Variants in HOXB13 observed in about 807,000 individuals in gnomAD.
HOXB13 encodes the protein homeobox protein Hox-B13.
Under a neutral mutation model 23.1 loss-of-function variants are expected in HOXB13, and 22 were observed. That is an observed-to-expected ratio of 0.95 (90% confidence interval 0.68 to 1.36). The LOEUF is 1.36. Ranked by LOEUF, HOXB13 falls within the 40% of genes most tolerant of loss-of-function variation. The pLI is 0.00. For synonymous variants in HOXB13, 173 were observed against 157.9 expected (o/e 1.10, Z -0.72); for missense variants, 386 against 376.2 (o/e 1.03, Z -0.22).
In HOXB13 at chr17:48,726,634, G is replaced by T; in HGVS notation, c.*156C>A. On this transcript the variant is annotated 3_prime_UTR_variant, in exon 2 of 2. Transcript: ENST00000290295. ...CCTGCACATACTGGGTACCCAGGCC[G>T]CTCCTGAGGAACAGTCCAGCAGCCA... The T allele has an allele frequency of 4.4e-6, 4 of 907,188 alleles. No individual in the cohort carries two copies. Among genetic ancestry groups the T allele is most frequent in the African/African-American group, 3.4e-5 (2 of 59,556 alleles). 56.2% of individuals were successfully genotyped at this position (907,188 alleles called of 1,614,324 possible). A position where few individuals can be genotyped will look rare whatever the true frequency, so the allele number is the denominator to read the frequency against.
At position 48,726,679 on chromosome 17, in the gene HOXB13, G is replaced by A; in HGVS notation, c.*111C>T. ...CAGCCAGTGGCCTGGGAAGGGTGTT[G>A]TCTCTAGGGGCCTCTCAGCAGAGTC... On this transcript the variant is annotated 3_prime_UTR_variant, in exon 2 of 2. Coordinates refer to ENST00000290295, the MANE Select transcript of HOXB13 (RefSeq NM_006361.6). 7.4e-7 allele frequency: 1 copy of A among 1,351,938 alleles called. No homozygotes were observed. The highest frequency in any genetic ancestry group is 1.0e-6 in the Non-Finnish European group (1 of 995,444). 83.7% of individuals were successfully genotyped at this position (1,351,938 alleles called of 1,614,324 possible).
rs1343659361 is a variant in HOXB13 at position 48,727,036 on chromosome 17, G to A, written c.609C>T (p.Ser203=). ...CGCAGGCGTCAGGAGGGTGCTGCCC[G>A]CTGGAGTCTGCGCGGCGTGAAAGGG... ...PFWKAAFADS[S]GQHPPDACAF... Residue 203 remains serine, a synonymous_variant, in exon 2 of 2, where the codon AGC becomes AGT. Transcript: ENST00000290295. 3 of 1,605,986 alleles carry A rather than the reference G, an allele frequency of 1.9e-6. No individual in the cohort carries two copies. The highest frequency in any genetic ancestry group is 1.7e-6 in the Non-Finnish European group (2 of 1,179,710).
chr17:48,728,513 C>G lies in HOXB13; in HGVS notation c.81G>C (p.Leu27=). The G allele has an allele frequency of 1.2e-6, 2 of 1,613,372 alleles. No homozygotes were observed. Among genetic ancestry groups the G allele is most frequent in the Non-Finnish European group, 1.7e-6 (2 of 1,179,960 alleles). ...GLLGAGGGRN[L]VAHSPLTSHP... is the part of the protein sequence containing the mutation. ...GGCTGGTCAGAGGGGAGTGGGCGAC[C>G]AGATTCCGCCCCCCTCCCGCTCCCA... Residue 27 remains leucine (L), a synonymous_variant, in exon 1 of 2, where the codon CTG becomes CTC. Transcript: ENST00000290295.
Position 48,726,979 on chromosome 17 carries a change from C to A in HOXB13, c.666G>T (p.Pro222=), listed in dbSNP as rs1230526859. Residue 222 remains proline (P), a synonymous_variant, in exon 2 of 2, where the codon CCG becomes CCT. Coordinates refer to ENST00000290295, the MANE Select transcript of HOXB13 (RefSeq NM_006361.6). ...AFRRGRKKRI[P]YSKGQLRELE... The stretch of plus-strand genomic sequence containing the variant: ...GCTCCCGCAACTGCCCCTTGCTGTA[C>A]GGAATGCGTTTCTTGCGGCCGCGAC... 1.2e-6 allele frequency: 2 copies of A among 1,612,978 alleles called. No individual in the cohort carries two copies. Among genetic ancestry groups the A allele is most frequent in the Non-Finnish European group, 8.5e-7 (1 of 1,180,006 alleles).
At position 48,728,455 on chromosome 17, in the gene HOXB13, T is replaced by A; in HGVS notation, c.139A>T (p.Asn47Tyr). ...PAAPTLMPAV[N>Y]YAPLDLPGSA... ...CCTGGCAGATCCAAGGGGGCATAGT[T>A]GACAGCAGGCATCAGCGTAGGCGCC... The change falls in exon 1 of 2, where the codon AAC (asparagine) becomes TAC (tyrosine). Residue 47 changes from asparagine to tyrosine, a missense_variant. Transcript: ENST00000290295. 1 of 1,613,200 alleles carries A rather than the reference T, an allele frequency of 6.2e-7. No homozygotes were observed. Among genetic ancestry groups the A allele is most frequent in the African/African-American group, 1.3e-5 (1 of 75,030 alleles).
In HOXB13 at chr17:48,728,271, G is replaced by GCGGCC. The variant is rs1567701542; in HGVS notation, c.318_322dup (p.Ala108GlyfsTer173). The GCGGCC allele has an allele frequency of 6.2e-7, 1 of 1,614,182 alleles. No individual in the cohort carries two copies. Among genetic ancestry groups the GCGGCC allele is most frequent in the Admixed American group, 1.7e-5 (1 of 60,036 alleles). Reference sequence around the variant, plus strand: ...GGCCGTGGGAGTCTCCGCGGGGTACGCGGCCAGGGTGGCTGCCTGGGCACA... The same window carrying GCGGCC: ...GGCCGTGGGAGTCTCCGCGGGGTACGCGGCCCGGCCAGGGTGGCTGCCTGGGCACA... On this transcript the variant is annotated frameshift_variant, in exon 1 of 2. Coordinates refer to ENST00000290295, the MANE Select transcript of HOXB13 (RefSeq NM_006361.6). LOFTEE classifies it high-confidence loss of function.
rs200891371 is a variant in HOXB13 at position 48,728,640 on chromosome 17, G to A, written c.-47C>T. 1.2e-4 allele frequency: 198 copies of A among 1,599,704 alleles called. No homozygotes were observed. Among genetic ancestry groups the A allele is most frequent in the Non-Finnish European group, 2.9e-5 (34 of 1,174,104 alleles). ...AGGTGCGGGGGCGGGGAATCTAGGG[G>A]GCACCCAGCTCGCTCTCCCCACCCA... is the stretch of plus-strand genomic sequence containing the variant. On this transcript the variant is annotated 5_prime_UTR_variant, in exon 1 of 2. Coordinates refer to ENST00000290295, the MANE Select transcript of HOXB13 (RefSeq NM_006361.6).
At position 48,726,995 on chromosome 17, in the gene HOXB13, C is replaced by A. The variant is rs749518336; in HGVS notation, c.650G>T (p.Arg217Leu). ...CTTGCTGTACGGAATGCGTTTCTTG[C>A]GGCCGCGACGAAAGGCGCAGGCGTC... Reference protein sequence around the residue: ...PPDACAFRRGRKKRIPYSKGQ... With the variant: ...PPDACAFRRGLKKRIPYSKGQ... The change falls in exon 2 of 2, where the codon CGC becomes CTC. Residue 217 changes from arginine to leucine, a missense_variant. Arg to Leu is a moderately radical substitution (Grantham distance 102). Transcript: ENST00000290295. 22 of 1,611,456 alleles carry A rather than the reference C, an allele frequency of 1.4e-5. No individual in the cohort carries two copies. The Admixed American group carries it at 2.2e-4, about 16-fold the overall frequency.
At position 48,726,829 on chromosome 17, in the gene HOXB13, C is replaced by A. The variant is rs1597932452; in HGVS notation, c.816G>T (p.Lys272Asn). 1 of 1,614,216 alleles carries A rather than the reference C, an allele frequency of 6.2e-7. No homozygotes were observed. The highest frequency in any genetic ancestry group is 1.1e-5 in the South Asian group (1 of 91,080). ...IWFQNRRVKE[K>N]KVLAKVKNSA... ...TGTTCTTCACCTTGGCGAGAACCTT[C>A]TTCTCTTTGACCCGGCGGTTCTGAA... Residue 272 changes from lysine (K) to asparagine (N), a missense_variant, in exon 2 of 2, where the codon AAG becomes AAT. Physicochemically the swap from Lys to Asn is moderately conservative, Grantham distance 94 (BLOSUM62 0). Coordinates refer to ENST00000290295, the MANE Select transcript of HOXB13 (RefSeq NM_006361.6).
rs1597933200 is a variant in HOXB13, at chr17:48,727,122, G to A, written c.602-79C>T. ...CAGACCCAGGCCTTGCAAGCCCCAAGCTAAGTCATCTCACAGGTGCACACA... is the reference window on the plus strand; with the variant it reads ...CAGACCCAGGCCTTGCAAGCCCCAAACTAAGTCATCTCACAGGTGCACACA... On this transcript the variant is annotated intron_variant, in intron 1 of 1. Coordinates refer to ENST00000290295, the MANE Select transcript of HOXB13 (RefSeq NM_006361.6). 6.5e-7 allele frequency: 1 copy of A among 1,549,414 alleles called. No individual in the cohort carries two copies. Among genetic ancestry groups the A allele is most frequent in the African/African-American group, 1.4e-5 (1 of 73,840 alleles).
At chr17:48,727,643 C>T (rs546944771) in intron 1 of HOXB13, among the ~76,000 whole-genome samples, 1 of 152,310 alleles carries the variant, frequency 6.6e-6, no homozygotes, top group South Asian at 2.1e-4. Flanking sequence ...AGTTATTTAG[C>T]TTTTGTGTAG....
At position 48,728,361 on chromosome 17, in the gene HOXB13, A is replaced by T; in HGVS notation, c.233T>A (p.Val78Glu). The change falls in exon 1 of 2, where the codon GTG (valine) becomes GAG (glutamate). Residue 78 changes from valine (V) to glutamate (E), a missense_variant. Physicochemically the swap from Val to Glu is moderately radical, Grantham distance 121. Coordinates refer to ENST00000290295, the MANE Select transcript of HOXB13 (RefSeq NM_006361.6). The part of the protein sequence containing the change: ...GVPQGTSPAP[V>E]PYGYFGGGYY... ...CCCGCCTCCAAAGTAACCATAAGGC[A>T]CGGGAGCTGGGGACGTCCCCTGGGG... is the stretch of plus-strand genomic sequence containing the variant. 1.2e-6 allele frequency: 2 copies of T among 1,613,946 alleles called. No individual in the cohort carries two copies. Among genetic ancestry groups the T allele is most frequent in the Non-Finnish European group, 1.7e-6 (2 of 1,180,006 alleles).
rs1597932155 is a variant in HOXB13, at chr17:48,726,676, G to T, written c.*114C>A. 1 of 1,329,082 alleles carries T rather than the reference G, an allele frequency of 7.5e-7. No homozygotes were observed. Among genetic ancestry groups the T allele is most frequent in the African/African-American group, 1.5e-5 (1 of 68,016 alleles). The allele number at this position is 1,329,082 out of a possible 1,614,324, so 82.3% of individuals were successfully genotyped here. ...CAGCAGCCAGTGGCCTGGGAAGGGTGTTGTCTCTAGGGGCCTCTCAGCAGA... is the reference window on the plus strand; with the variant it reads ...CAGCAGCCAGTGGCCTGGGAAGGGTTTTGTCTCTAGGGGCCTCTCAGCAGA... On this transcript the variant is annotated 3_prime_UTR_variant, in exon 2 of 2. Transcript: ENST00000290295.
At position 48,728,338 on chromosome 17, in the gene HOXB13, C is replaced by T. The variant is rs1437427005; in HGVS notation, c.256G>A (p.Gly86Arg). The T allele has an allele frequency of 2.5e-6, 4 of 1,613,984 alleles. No individual in the cohort carries two copies. In the South Asian group the frequency reaches 3.3e-5, roughly 13 times the overall value. ...APVPYGYFGG[G>R]YYSCRVSRSS... Reference sequence around the variant, plus strand: ...CGGGACACTCGGCAGGAGTAGTACCCGCCTCCAAAGTAACCATAAGGCACG... The same window carrying T: ...CGGGACACTCGGCAGGAGTAGTACCTGCCTCCAAAGTAACCATAAGGCACG... The change falls in exon 1 of 2, where the codon GGG (glycine) becomes AGG (arginine). Residue 86 changes from glycine to arginine, a missense_variant. Gly to Arg is a moderately radical substitution (Grantham distance 125). Transcript: ENST00000290295.
At chr17:48,727,215 G>A (rs1301609650) in intron 1 of HOXB13, among the ~76,000 whole-genome samples, 172 bp from the exon 2 acceptor site, 4 of 152,178 alleles carry the variant, frequency 2.6e-5, no homozygotes, top group Admixed American at 6.5e-5. Context: ...CCTGGCTTCC[G>A]GCTTGTTCTC....
chr17:48,727,904 A>G, intron 1 of HOXB13, 89 bp downstream of exon 1: 1 of 1,468,570 alleles, frequency 6.8e-7, no homozygotes. Flanking sequence ...CACCAGCTCC[A>G]AGTCTCCCTC....
chr17:48,727,996 C>A lies in HOXB13; in HGVS notation c.598G>T (p.Ala200Ser), dbSNP rs750945370. The part of the protein sequence containing the change: ...PPGPFWKAAF[A>S]DSSGQHPPDA... Reference sequence around the variant, plus strand: ...GGACCCAGGGTAATAGAGGTACCTGCAAATGCTGCCTTCCAAAAGGGACCT... The same window carrying A: ...GGACCCAGGGTAATAGAGGTACCTGAAAATGCTGCCTTCCAAAAGGGACCT... The change falls in exon 1 of 2, where the codon GCA becomes TCA. Residue 200 changes from alanine to serine, a missense_variant. Ala to Ser is a moderately conservative substitution (Grantham distance 99). Transcript: ENST00000290295. 1 of 1,613,406 alleles carries A rather than the reference C, an allele frequency of 6.2e-7. No homozygotes were observed. The highest frequency in any genetic ancestry group is 1.1e-5 in the South Asian group (1 of 91,066).
Position 48,727,004 on chromosome 17 carries a change from C to T in HOXB13, c.641G>A (p.Arg214His), listed in dbSNP as rs1466480316. ...GQHPPDACAF[R>H]RGRKKRIPYS... Reference sequence around the variant, plus strand: ...CGGAATGCGTTTCTTGCGGCCGCGACGAAAGGCGCAGGCGTCAGGAGGGTG... The same window carrying T: ...CGGAATGCGTTTCTTGCGGCCGCGATGAAAGGCGCAGGCGTCAGGAGGGTG... The change falls in exon 2 of 2, where the codon CGT becomes CAT. Residue 214 changes from arginine to histidine, a missense_variant. Transcript: ENST00000290295. 1.9e-6 allele frequency: 3 copies of T among 1,610,812 alleles called. No individual in the cohort carries two copies. The Admixed American group carries it at 5.0e-5, about 27-fold the overall frequency.
In HOXB13 at chr17:48,726,962, A is replaced by C; in HGVS notation, c.683T>G (p.Leu228Trp). Residue 228 changes from leucine to tryptophan, a missense_variant, in exon 2 of 2, where the codon TTG becomes TGG. Coordinates refer to ENST00000290295, the MANE Select transcript of HOXB13 (RefSeq NM_006361.6). Reference protein sequence around the residue: ...KKRIPYSKGQLRELEREYAAN... With the variant: ...KKRIPYSKGQWRELEREYAAN... ...CGCATACTCCCGCTCCAGCTCCCGC[A>C]ACTGCCCCTTGCTGTACGGAATGCG... The C allele has an allele frequency of 6.2e-7, 1 of 1,613,576 alleles. No individual in the cohort carries two copies. The highest frequency in any genetic ancestry group is 8.5e-7 in the Non-Finnish European group (1 of 1,180,018).
Sources: gnomAD v4.1 joint callset for allele counts (sites outside exome capture counted in the v4.1 genomes callset) on GRCh38, gnomAD v4.1.1 for gene constraint, MANE v1.5 for transcripts, NCBI Gene and HGNC (gene_info 2026-07-23, HGNC 2026-07-21) for gene names.